Variants in TCTN2 observed in about 807,000 individuals in gnomAD.
The protein encoded by TCTN2 is tectonic-2.
In TCTN2, 66 loss-of-function variants were observed where a neutral mutation model predicts 83.4. The observed-to-expected ratio is 0.79, with a 90% CI of 0.65 to 0.97. The LOEUF is 0.97. Ranked by LOEUF, TCTN2 falls within the 50% of genes least tolerant of loss-of-function variation. The probability of loss-of-function intolerance (pLI) is 0.00; values close to 1 mark genes in which losing one functional copy is unlikely to be tolerated. For synonymous variants in TCTN2, 301 were observed against 326.7 expected, an observed-to-expected ratio of 0.92 and a Z score of 0.85; for missense variants, 794 against 858.1, an observed-to-expected ratio of 0.93 and a Z score of 0.93.
At chr12:123,685,683 T>C (rs1955955915) in intron 5 of TCTN2, among the ~76,000 whole-genome samples, 1 of 150,358 alleles carries the variant, frequency 6.7e-6, no homozygotes, top group Non-Finnish European at 1.5e-5. Flanking sequence ...CCTCCCAAAG[T>C]GCTGGGATTA....
At chr12:123,706,895 T>TA in intron 16 of TCTN2, 44 bp downstream of exon 16, 2 of 1,614,022 alleles carry the variant, frequency 1.2e-6, no homozygotes, top group Non-Finnish European at 1.7e-6. Flanking sequence ...AGCAGAAAAA[T>TA]ATATATTTGA....
At position 123,676,017 on chromosome 12, in the gene TCTN2, G is replaced by A. The variant is rs1159431965; in HGVS notation, c.463+2207G>A. Among the ~76,000 whole-genome samples the A allele has an allele frequency of 5.3e-5, 8 of 152,154 alleles. No homozygotes were observed. The East Asian group carries it at 7.7e-4, about 15-fold the overall frequency. ...TGCTTGAGGCCAGGTGGTGGCTCAT[G>A]CCTGTAATCCCAACACTTTTAGAGG... On this transcript the variant is annotated intron_variant, in intron 4 of 17. Coordinates refer to ENST00000303372, the MANE Select transcript of TCTN2 (RefSeq NM_024809.5).
At chr12:123,700,805 G>A (rs554348119) in intron 14 of TCTN2, among the ~76,000 whole-genome samples, 60 of 152,260 alleles carry the variant, frequency 3.9e-4, no homozygotes, top group African/African-American at 1.4e-3. Flanking sequence ...AAAATTAGTC[G>A]AATGTGGTGG....
intron 8 of TCTN2, among the ~76,000 whole-genome samples, chr12:123,691,358 A>T (rs190210117): frequency 3.6e-4 from 55 of 152,040 alleles, no homozygotes; most frequent in Admixed American, 1.4e-3. Flanking sequence ...GTCTCCGTGG[A>T]TTGCTTATTC....
intron 5 of TCTN2, among the ~76,000 whole-genome samples, chr12:123,682,753 A>G (rs2135828385): frequency 6.6e-6 from 1 of 152,054 alleles, no homozygotes; most frequent in East Asian, 1.9e-4. Flanking sequence ...AAATGCTGGG[A>G]TTAGAGGGGT....
chr12:123,677,531 G>T (rs561308262), intron 4 of TCTN2, among the ~76,000 whole-genome samples: 1 of 152,316 alleles, frequency 6.6e-6, no homozygotes, highest in East Asian at 1.9e-4. Context: ...ACTGGATTCT[G>T]AGTTAGGAGG....
rs751708996 is a variant in TCTN2 at position 123,671,556 on chromosome 12, C to G, written c.132C>G (p.Ser44=). The G allele has an allele frequency of 6.2e-7, 1 of 1,614,048 alleles. No individual in the cohort carries two copies. Among genetic ancestry groups the G allele is most frequent in the Non-Finnish European group, 8.5e-7 (1 of 1,180,020 alleles). ...IRMSGPAVSA[S]LVGDTEGVTV... Reference sequence around the variant, plus strand: ...TGTCCGGCCCTGCGGTCAGCGCGTCCCTGGTCGGAGACACCGAGGGTGTGA... The same window carrying G: ...TGTCCGGCCCTGCGGTCAGCGCGTCGCTGGTCGGAGACACCGAGGGTGTGA... The change falls in exon 2 of 18, where the codon TCC becomes TCG. Residue 44 remains serine, a synonymous_variant. Coordinates refer to ENST00000303372, the MANE Select transcript of TCTN2 (RefSeq NM_024809.5).
intron 9 of TCTN2, among the ~76,000 whole-genome samples, chr12:123,693,725 G>T (rs900647520): frequency 6.6e-6 from 1 of 151,404 alleles, no homozygotes; most frequent in African/African-American, 2.4e-5. Flanking sequence ...AAGTGCAGGG[G>T]TTACAGGCGT....
chr12:123,673,467 A>G (rs764488458), intron 3 of TCTN2, 148 bp from the exon 4 acceptor site: 15 of 768,414 alleles, frequency 2.0e-5, no homozygotes, highest in Admixed American at 6.3e-5. Flanking sequence ...ATGGGGGGGA[A>G]CTGAAGATAA....
intron 4 of TCTN2, 97 bp downstream of exon 4, chr12:123,673,907 AT>A: frequency 8.6e-7 from 1 of 1,166,286 alleles, no homozygotes; most frequent in Non-Finnish European, 1.3e-6. Context: ...GGTTGATGCT[AT>A]AAATGAGCTG....
rs912259913 is a variant in TCTN2 at position 123,707,776 on chromosome 12, A to G, written c.*63A>G. 10 of 1,287,884 alleles carry G rather than the reference A, an allele frequency of 7.8e-6. No individual in the cohort carries two copies. In the East Asian group the frequency reaches 1.6e-4, roughly 21 times the overall value. The allele number at this position is 1,287,884 out of a possible 1,614,324, so 79.8% of individuals were successfully genotyped here. A position where few individuals can be genotyped will look rare whatever the true frequency, so the allele number is the denominator to read the frequency against. On this transcript the variant is annotated 3_prime_UTR_variant, in exon 18 of 18. Coordinates refer to ENST00000303372, the MANE Select transcript of TCTN2 (RefSeq NM_024809.5). Reference sequence around the variant, plus strand: ...TGCTCTTGTTGCCCAGGCTGAAGTGATCTCGGCTCACCACAACCTCCTCCT... The same window carrying G: ...TGCTCTTGTTGCCCAGGCTGAAGTGGTCTCGGCTCACCACAACCTCCTCCT...
intron 4 of TCTN2, among the ~76,000 whole-genome samples, chr12:123,676,837 C>G (rs1955829148): frequency 6.6e-6 from 1 of 152,076 alleles, no homozygotes; most frequent in Non-Finnish European, 1.5e-5. Flanking sequence ...AATCAACACA[C>G]AAACATCTAT....
chr12:123,683,508 TG>T (rs1955925452), intron 5 of TCTN2, among the ~76,000 whole-genome samples: 1 of 152,036 alleles, frequency 6.6e-6, no homozygotes, highest in Non-Finnish European at 1.5e-5. Flanking sequence ...CTTGAACTCC[TG>T]GCCTCAAGTG....
intron 8 of TCTN2, among the ~76,000 whole-genome samples, chr12:123,692,389 AG>A (rs1374496126): frequency 6.6e-6 from 1 of 152,214 alleles, no homozygotes; most frequent in African/African-American, 2.4e-5. Flanking sequence ...TGCCACCAGC[AG>A]TGAACTGCAT....
At chr12:123,688,285 G>C (rs1219724566) in intron 7 of TCTN2, 108 bp downstream of exon 7, 6 of 1,392,068 alleles carry the variant, frequency 4.3e-6, no homozygotes, top group South Asian at 1.2e-5. Context: ...GCCAGATCTC[G>C]GCTCACTGCA....
chr12:123,692,611 T>C, intron 8 of TCTN2, 47 bp from the exon 9 acceptor site: 1 of 1,409,816 alleles, frequency 7.1e-7, no homozygotes, highest in African/African-American at 1.4e-5. Flanking sequence ...GTGATCATGG[T>C]AGGCCATGTG....
At chr12:123,671,824 G>C (rs565943191) in intron 2 of TCTN2, among the ~76,000 whole-genome samples, 2 of 152,316 alleles carry the variant, frequency 1.3e-5, no homozygotes, top group Non-Finnish European at 2.9e-5. Flanking sequence ...AGCATTCATT[G>C]AGCTAACATC....
chr12:123,674,900 C>A (rs998069857), intron 4 of TCTN2, among the ~76,000 whole-genome samples: 2 of 152,064 alleles, frequency 1.3e-5, no homozygotes, highest in Non-Finnish European at 2.9e-5. Context: ...GAGACACGGT[C>A]TCACTCTGTT....
chr12:123,681,953 T>C (rs7964443), intron 5 of TCTN2, among the ~76,000 whole-genome samples: 62,907 of 152,036 alleles, frequency 0.41, 13,880 homozygotes, highest in African/African-American at 0.55. Context: ...GATATTTCTT[T>C]ATGATTTCCT....
Sources: gnomAD v4.1 joint callset for allele counts (sites outside exome capture counted in the v4.1 genomes callset) on GRCh38, gnomAD v4.1.1 for gene constraint, MANE v1.5 for transcripts, NCBI Gene and HGNC (gene_info 2026-07-23, HGNC 2026-07-21) for gene names.